SLC4A10: variants seen among roughly 807,000 people sequenced by gnomAD.
The protein encoded by SLC4A10 is solute carrier family 4 member 10.
Under a neutral mutation model 137.7 loss-of-function variants are expected in SLC4A10, and 42 were observed. That is an observed-to-expected ratio of 0.30 (90% confidence interval 0.24 to 0.39). The LOEUF is 0.39. Among genes scored for constraint, SLC4A10 ranks in the 10% least tolerant of loss-of-function variants. The pLI, the probability that SLC4A10 is intolerant of heterozygous loss-of-function variation, is 1.00. For synonymous variants in SLC4A10, 474 were observed against 464.1 expected, an observed-to-expected ratio of 1.02 and a Z score of -0.27; for missense variants, 925 against 1,355.0, an observed-to-expected ratio of 0.68 and a Z score of 4.98.
intron 15 of SLC4A10, among the ~76,000 whole-genome samples, chr2:161,924,899 G>A (rs1688787494): frequency 6.6e-6 from 1 of 152,182 alleles, no homozygotes; most frequent in Admixed American, 6.5e-5. Flanking sequence ...ATATCATCAG[G>A]TTTCGATGGG....
Position 161,872,332 on chromosome 2 carries a change from T to A in SLC4A10, c.806T>A (p.Val269Asp). ...TCTCCTCAGTCTGCTCCAGCCTGTG[T>A]TGAAAATAAAAATGATGTTAGCAGA... Reference protein sequence around the residue: ...VVSPQSAPACVENKNDVSREN... With the variant: ...VVSPQSAPACDENKNDVSREN... Residue 269 changes from valine to aspartate, a missense_variant, in exon 7 of 27, where the codon GTT becomes GAT. Physicochemically the swap from Val to Asp is radical, Grantham distance 152. Transcript: ENST00000446997. 6.2e-7 allele frequency: 1 copy of A among 1,613,742 alleles called. No individual in the cohort carries two copies. Among genetic ancestry groups the A allele is most frequent in the South Asian group, 1.1e-5 (1 of 91,082 alleles).
At chr2:161,905,950 A>G in intron 15 of SLC4A10, 63 bp downstream of exon 15, 7 of 1,512,248 alleles carry the variant, frequency 4.6e-6, no homozygotes, top group Non-Finnish European at 5.3e-6. Flanking sequence ...CTATTGTTAC[A>G]AGAAATATGA....
At chr2:161,858,189 G>T (rs1413883203) in intron 5 of SLC4A10, among the ~76,000 whole-genome samples, 1 of 151,788 alleles carries the variant, frequency 6.6e-6, no homozygotes, top group Non-Finnish European at 1.5e-5. Context: ...TACCTTTAAG[G>T]GTTCTAATCC....
chr2:161,886,513 G>A (rs951450613), intron 10 of SLC4A10, among the ~76,000 whole-genome samples: 4 of 151,884 alleles, frequency 2.6e-5, no homozygotes, highest in African/African-American at 4.8e-5. Context: ...CTTTGGCACC[G>A]TCATTCTACT....
intron 6 of SLC4A10, among the ~76,000 whole-genome samples, chr2:161,870,640 AT>A (rs1402553859): frequency 6.6e-6 from 1 of 151,820 alleles, no homozygotes; most frequent in Non-Finnish European, 1.5e-5. Context: ...TATGTAAAAG[AT>A]TTTTTTAAAA....
intron 1 of SLC4A10, among the ~76,000 whole-genome samples, chr2:161,680,687 T>C (rs1322710139): frequency 6.6e-6 from 1 of 152,134 alleles, no homozygotes; most frequent in Non-Finnish European, 1.5e-5. Flanking sequence ...ATTTATTGAT[T>C]TATTCTCCCA....
intron 15 of SLC4A10, among the ~76,000 whole-genome samples, chr2:161,927,451 A>G (rs1172522078): frequency 6.6e-6 from 1 of 152,096 alleles, no homozygotes; most frequent in African/African-American, 2.4e-5. Context: ...ATTTCAGGAC[A>G]TAGGCATGGG....
At chr2:161,781,802 G>A (rs982978017) in intron 2 of SLC4A10, among the ~76,000 whole-genome samples, 1 of 152,022 alleles carries the variant, frequency 6.6e-6, no homozygotes, top group African/African-American at 2.4e-5. Context: ...TAATTGAAGG[G>A]CTCCTGCACC....
chr2:161,892,485 A>C (rs2063025577), intron 10 of SLC4A10, among the ~76,000 whole-genome samples: 1 of 152,058 alleles, frequency 6.6e-6, no homozygotes, highest in Non-Finnish European at 1.5e-5. Flanking sequence ...GTATTATCCT[A>C]AGCAAAGTCT....
intron 2 of SLC4A10, among the ~76,000 whole-genome samples, chr2:161,781,939 C>CA (rs1352198220): frequency 6.6e-6 from 1 of 152,042 alleles, no homozygotes; most frequent in Non-Finnish European, 1.5e-5. Flanking sequence ...CAGCTTCTCC[C>CA]AGAGGAGGTT....
At chr2:161,661,966 T>C (rs1043127604) in intron 1 of SLC4A10, among the ~76,000 whole-genome samples, 3 of 152,136 alleles carry the variant, frequency 2.0e-5, no homozygotes, top group African/African-American at 7.2e-5. Flanking sequence ...CTTTGAAAAG[T>C]AAAAACAGTA....
chr2:161,982,615 G>A (rs1485231999), intron 26 of SLC4A10, among the ~76,000 whole-genome samples: 1 of 152,158 alleles, frequency 6.6e-6, no homozygotes, highest in Non-Finnish European at 1.5e-5. Context: ...GTAAGGGTTT[G>A]TCTGTAAAGA....
chr2:161,676,519 CTT>C (rs2040292778), intron 1 of SLC4A10, among the ~76,000 whole-genome samples: 1 of 152,078 alleles, frequency 6.6e-6, no homozygotes, highest in East Asian at 1.9e-4. Flanking sequence ...AGGAAACTCA[CTT>C]TGTAGCTGAG....
At chr2:161,791,722 G>A (rs1380898393) in intron 2 of SLC4A10, among the ~76,000 whole-genome samples, 1 of 152,032 alleles carries the variant, frequency 6.6e-6, no homozygotes, top group Non-Finnish European at 1.5e-5. Context: ...CACATAATTT[G>A]TGTATGTGAC....
At chr2:161,754,340 G>A (rs1329045398) in intron 1 of SLC4A10, among the ~76,000 whole-genome samples, 2 of 152,030 alleles carry the variant, frequency 1.3e-5, no homozygotes, top group Non-Finnish European at 2.9e-5. Flanking sequence ...TTTTAAAATT[G>A]CAATAGAATT....
intron 1 of SLC4A10, among the ~76,000 whole-genome samples, chr2:161,635,381 T>C (rs1327508254): frequency 6.6e-6 from 1 of 152,118 alleles, no homozygotes; most frequent in Non-Finnish European, 1.5e-5. Context: ...CTCAAAACAC[T>C]CTTATACTAA....
chr2:161,873,798 C>T, intron 7 of SLC4A10, 118 bp from the exon 8 acceptor site: 1 of 993,880 alleles, frequency 1.0e-6, no homozygotes, highest in Non-Finnish European at 1.5e-6. Context: ...TTTCAGAATC[C>T]CTCTGACAAT....
chr2:161,656,890 TA>T (rs930318327), intron 1 of SLC4A10, among the ~76,000 whole-genome samples: 3 of 152,074 alleles, frequency 2.0e-5, no homozygotes, highest in African/African-American at 4.8e-5. Context: ...TTGGTTCTCA[TA>T]AAAAATTGAG....
intron 1 of SLC4A10, among the ~76,000 whole-genome samples, chr2:161,671,841 C>A (rs2039764412): frequency 6.6e-6 from 1 of 152,100 alleles, no homozygotes. Flanking sequence ...TCTCTGATAT[C>A]AAGGTACTTG....
Sources: allele counts gnomAD v4.1 joint callset (sites outside exome capture counted in the v4.1 genomes callset), GRCh38; gene constraint gnomAD v4.1.1; transcripts MANE v1.5; gene names NCBI Gene and HGNC (gene_info 2026-07-23, HGNC 2026-07-21).